CNTN3: variants seen among roughly 807,000 people sequenced by gnomAD.
CNTN3 encodes contactin 3.
CNTN3 carries 60 observed loss-of-function variants against 119.1 expected under a neutral mutation model. That is an observed-to-expected ratio of 0.50 (90% CI 0.41 to 0.62). The LOEUF is 0.62. Among genes scored for constraint, CNTN3 ranks in the 20% least tolerant of loss-of-function variants. The pLI, the probability that CNTN3 is intolerant of heterozygous loss-of-function variation, is 0.00. For synonymous variants in CNTN3, 450 were observed against 438.7 expected, an observed-to-expected ratio of 1.03 and a Z score of -0.32; for missense variants, 1,101 against 1,242.4, an observed-to-expected ratio of 0.89 and a Z score of 1.71.
At chr3:74,535,581 G>GA (rs1410288058) in intron 1 of CNTN3, among the ~76,000 whole-genome samples, 1 of 152,068 alleles carries the variant, frequency 6.6e-6, no homozygotes, top group Non-Finnish European at 1.5e-5. Flanking sequence ...TGGAGACTGA[G>GA]AACAGGAGTG....
chr3:74,382,163 G>A (rs1024107395), intron 5 of CNTN3, among the ~76,000 whole-genome samples: 5 of 151,910 alleles, frequency 3.3e-5, no homozygotes, highest in South Asian at 2.1e-4. Flanking sequence ...AGCTGAGATC[G>A]CACCTTTGAA....
At chr3:74,400,574 A>G (rs966149146) in intron 5 of CNTN3, among the ~76,000 whole-genome samples, 2 of 152,210 alleles carry the variant, frequency 1.3e-5, no homozygotes, top group African/African-American at 4.8e-5. Flanking sequence ...TCATTGGGCC[A>G]TCTTAGGTTT....
intron 1 of CNTN3, among the ~76,000 whole-genome samples, chr3:74,592,629 T>A (rs1399894707): frequency 6.6e-6 from 1 of 151,948 alleles, no homozygotes; most frequent in Non-Finnish European, 1.5e-5. Context: ...GAGTCACTGT[T>A]TTCCTGAAGG....
intron 1 of CNTN3, among the ~76,000 whole-genome samples, chr3:74,532,344 A>G (rs992170773): frequency 2.0e-5 from 3 of 151,998 alleles, no homozygotes; most frequent in Non-Finnish European, 4.4e-5. Context: ...TCTGTGGGGC[A>G]TACATTCCAA....
At chr3:74,314,365 G>T (rs1313152699) in intron 13 of CNTN3, among the ~76,000 whole-genome samples, 1 of 152,108 alleles carries the variant, frequency 6.6e-6, no homozygotes, top group Non-Finnish European at 1.5e-5. Context: ...GATAGAAATT[G>T]CCAGAATGTA....
chr3:74,288,155 T>C (rs62269909), intron 19 of CNTN3, among the ~76,000 whole-genome samples: 13,552 of 83,976 alleles, frequency 0.16, 833 homozygotes, highest in South Asian at 0.29. Context: ...TTTTCTTTTC[T>C]TTTCTTTTTT....
At chr3:74,588,846 G>A (rs1704646776) in intron 1 of CNTN3, among the ~76,000 whole-genome samples, 1 of 152,010 alleles carries the variant, frequency 6.6e-6, no homozygotes, top group South Asian at 2.1e-4. Flanking sequence ...AGAAAAACAA[G>A]CAATGGGGAA....
intron 4 of CNTN3, among the ~76,000 whole-genome samples, chr3:74,456,154 G>A (rs1212419844): frequency 6.6e-6 from 1 of 151,878 alleles, no homozygotes; most frequent in Non-Finnish European, 1.5e-5. Context: ...GGAGACTTAG[G>A]AAATGGGGTG....
chr3:74,422,010 A>C (rs1701623285), intron 5 of CNTN3, among the ~76,000 whole-genome samples: 1 of 152,202 alleles, frequency 6.6e-6, no homozygotes, highest in Admixed American at 6.5e-5. Flanking sequence ...ACTCTCAAAA[A>C]GCATGTATAA....
chr3:74,608,371 T>A (rs370422368), intron 1 of CNTN3, among the ~76,000 whole-genome samples: 1 of 152,232 alleles, frequency 6.6e-6, no homozygotes. Context: ...TAGGAAGATG[T>A]GCTTTTGATT....
Position 74,452,788 on chromosome 3 carries a change from C to A in CNTN3, c.359-27848G>T, listed in dbSNP as rs1702185203. Among the ~76,000 whole-genome samples the A allele has an allele frequency of 2.6e-5, 4 of 151,258 alleles. No homozygotes were observed. In the South Asian group the frequency reaches 8.4e-4, roughly 32 times the overall value. ...ATTGAGATAATCATGTGGTTTTTGT[C>A]TTTGGTTCTGTTTATATGCTGGATT... On this transcript the variant is annotated intron_variant, in intron 4 of 22. Coordinates refer to ENST00000263665, the MANE Select transcript of CNTN3 (RefSeq NM_020872.3).
chr3:74,607,032 C>T (rs1271273220), intron 1 of CNTN3, among the ~76,000 whole-genome samples: 1 of 152,102 alleles, frequency 6.6e-6, no homozygotes, highest in African/African-American at 2.4e-5. Context: ...CAAAACCATA[C>T]AGTCCATGCA....
At position 74,411,733 on chromosome 3, in the gene CNTN3, A is replaced by T. The variant is rs539809404; in HGVS notation, c.454+13112T>A. 5.9e-5 allele frequency among the ~76,000 whole-genome samples: 9 copies of T among 152,256 alleles called. No individual in the cohort carries two copies. In the South Asian group the frequency reaches 1.9e-3, roughly 32 times the overall value. ...AATAAGGAGTCTCTGCTGGGAACACAGACTTTACCAACTGTATTTCACGTT... is the reference window on the plus strand; with the variant it reads ...AATAAGGAGTCTCTGCTGGGAACACTGACTTTACCAACTGTATTTCACGTT... On this transcript the variant is annotated intron_variant, in intron 5 of 22. Coordinates refer to ENST00000263665, the MANE Select transcript of CNTN3 (RefSeq NM_020872.3).
chr3:74,347,672 C>T (rs917979717), intron 11 of CNTN3, among the ~76,000 whole-genome samples: 1 of 152,124 alleles, frequency 6.6e-6, no homozygotes, highest in Non-Finnish European at 1.5e-5. Flanking sequence ...GAGACCATGT[C>T]TGTCTTATTC....
At chr3:74,390,988 G>A (rs1186267087) in intron 5 of CNTN3, among the ~76,000 whole-genome samples, 1 of 152,112 alleles carries the variant, frequency 6.6e-6, no homozygotes, top group Admixed American at 6.5e-5. Flanking sequence ...CTCATTTTTA[G>A]TCATGAATTA....
chr3:74,332,856 A>C (rs1012875482), intron 13 of CNTN3, among the ~76,000 whole-genome samples: 14 of 152,244 alleles, frequency 9.2e-5, no homozygotes, highest in Admixed American at 6.5e-5. Context: ...GGATTAGAGA[A>C]GCCTTTCCCA....
chr3:74,612,893 T>A (rs1705106400), intron 1 of CNTN3, among the ~76,000 whole-genome samples: 1 of 152,178 alleles, frequency 6.6e-6, no homozygotes, highest in South Asian at 2.1e-4. Context: ...TTGCAACCAG[T>A]GACATGCACG....
At chr3:74,383,735 T>C (rs558753890) in intron 5 of CNTN3, among the ~76,000 whole-genome samples, 1 of 152,300 alleles carries the variant, frequency 6.6e-6, no homozygotes, top group Admixed American at 6.5e-5. Context: ...TCCACTCACT[T>C]CAGCCTCCCA....
intron 3 of CNTN3, among the ~76,000 whole-genome samples, chr3:74,496,984 A>G (rs2084474881): frequency 6.6e-6 from 1 of 152,046 alleles, no homozygotes; most frequent in Non-Finnish European, 1.5e-5. Flanking sequence ...TTCAAAGGAC[A>G]TTCTTTTACA....
Sources: gnomAD v4.1 joint callset for allele counts (sites outside exome capture counted in the v4.1 genomes callset) on GRCh38, gnomAD v4.1.1 for gene constraint, MANE v1.5 for transcripts, NCBI Gene and HGNC (gene_info 2026-07-23, HGNC 2026-07-21) for gene names.